GRB14: variants seen among roughly 807,000 people sequenced by gnomAD.
The protein encoded by GRB14 is growth factor receptor-bound protein 14.
GRB14 carries 38 observed loss-of-function variants against 69.1 expected under a neutral mutation model. The observed-to-expected ratio is 0.55, with a 90% CI of 0.42 to 0.72. GRB14 has a LOEUF of 0.72. Among genes scored for constraint, GRB14 ranks in the 30% least tolerant of loss-of-function variants. GRB14 has a pLI of 0.00. For missense variants in GRB14, 666 were observed against 666.1 expected (o/e 1.00, Z 0.00); for synonymous variants, 247 against 241.3 (o/e 1.02, Z -0.22).
intron 13 of GRB14, among the ~76,000 whole-genome samples, chr2:164,493,741 A>G (rs914960072): frequency 5.3e-4 from 80 of 152,320 alleles, no homozygotes; most frequent in African/African-American, 1.7e-3. Flanking sequence ...GATATTTTAT[A>G]TAGCCTTTGG....
In GRB14 at chr2:164,584,585, TA is replaced by T. The variant is rs1197037457; in HGVS notation, c.324+35101del. Among the ~76,000 whole-genome samples the T allele has an allele frequency of 8.8e-3, 1,278 of 145,258 alleles. 11 individuals are homozygous for T. Among genetic ancestry groups the T allele is most frequent in the East Asian group, 0.01 (51 of 5,006 alleles). On this transcript the variant is annotated intron_variant, in intron 2 of 13. Coordinates refer to ENST00000263915, the MANE Select transcript of GRB14 (RefSeq NM_004490.3). Reference sequence around the variant, plus strand: ...TGGCTAAGAATAAGTCCCTACGATGTAAAAAAAAAAAATACTTTTCAGGAGA... The same window carrying T: ...TGGCTAAGAATAAGTCCCTACGATGTAAAAAAAAAAATACTTTTCAGGAGA...
At chr2:164,533,326 G>A (rs1688000001) in intron 3 of GRB14, among the ~76,000 whole-genome samples, 1 of 140,526 alleles carries the variant, frequency 7.1e-6, no homozygotes, top group African/African-American at 2.6e-5. Context: ...TCCGCCTCCC[G>A]GGTTCACGCC....
At chr2:164,539,069 T>C (rs1000258993) in intron 3 of GRB14, among the ~76,000 whole-genome samples, 4 of 152,164 alleles carry the variant, frequency 2.6e-5, no homozygotes, top group African/African-American at 9.7e-5. Flanking sequence ...AAAATGCAGA[T>C]TACAGAATCT....
At chr2:164,557,886 G>C (rs1688720010) in intron 2 of GRB14, among the ~76,000 whole-genome samples, 1 of 152,106 alleles carries the variant, frequency 6.6e-6, no homozygotes, top group African/African-American at 2.4e-5. Flanking sequence ...GCTTCCAGGA[G>C]TCCTGGATAT....
At chr2:164,613,946 T>C (rs1690224628) in intron 2 of GRB14, among the ~76,000 whole-genome samples, 2 of 152,172 alleles carry the variant, frequency 1.3e-5, no homozygotes, top group Admixed American at 1.3e-4. Context: ...TTTGTATACA[T>C]ATCAAAGAGA....
rs1195137268 is a variant in GRB14, at chr2:164,499,642, C to T, written c.1105-2152G>A. Among the ~76,000 whole-genome samples the T allele has an allele frequency of 2.0e-5, 3 of 152,042 alleles. No individual in the cohort carries two copies. In the East Asian group the frequency reaches 5.8e-4, roughly 29 times the overall value. The stretch of plus-strand genomic sequence containing the variant: ...GGGGTCCATGATTTTAATGGCATGA[C>T]TTTCTTTCTTTTTAAGAAAAAAAAT... On this transcript the variant is annotated intron_variant, in intron 9 of 13. Transcript: ENST00000263915.
intron 2 of GRB14, among the ~76,000 whole-genome samples, chr2:164,566,901 C>G (rs1304258202): frequency 6.6e-6 from 1 of 152,060 alleles, no homozygotes; most frequent in African/African-American, 2.4e-5. Context: ...CCCAAAGTCA[C>G]AGGGCTAGTA....
intron 2 of GRB14, among the ~76,000 whole-genome samples, chr2:164,573,329 T>C (rs1463490664): frequency 2.6e-5 from 4 of 152,220 alleles, no homozygotes; most frequent in Non-Finnish European, 4.4e-5. Flanking sequence ...GGTTACATAG[T>C]GGACAAGCCT....
intron 3 of GRB14, among the ~76,000 whole-genome samples, chr2:164,530,127 G>A: frequency 6.6e-6 from 1 of 152,152 alleles, no homozygotes; most frequent in East Asian, 1.9e-4. Flanking sequence ...TAGGAAAGGG[G>A]TTTATTTGGC....
At position 164,605,934 on chromosome 2, in the gene GRB14, G is replaced by A. The variant is rs146425550; in HGVS notation, c.324+13753C>T. 3.9e-4 allele frequency among the ~76,000 whole-genome samples: 60 copies of A among 152,234 alleles called. No homozygotes were observed. In the East Asian group the frequency reaches 9.4e-3, roughly 24 times the overall value. On this transcript the variant is annotated intron_variant, in intron 2 of 13. Transcript: ENST00000263915. ...AAAACTACACTAGCACTTCTCAAAT[G>A]TTTCCACCAGAGATACCCAACATGC... is the stretch of plus-strand genomic sequence containing the variant.
At chr2:164,553,613 C>T (rs761948019) in intron 2 of GRB14, among the ~76,000 whole-genome samples, 3 of 152,126 alleles carry the variant, frequency 2.0e-5, no homozygotes, top group Non-Finnish European at 4.4e-5. Context: ...ATTCCTTATA[C>T]GATGAATGGG....
chr2:164,614,408 A>T (rs1192382165), intron 2 of GRB14, among the ~76,000 whole-genome samples: 3 of 152,192 alleles, frequency 2.0e-5, no homozygotes, highest in Non-Finnish European at 2.9e-5. Context: ...TTTGAAAGCT[A>T]AGCAGTTTGT....
intron 2 of GRB14, among the ~76,000 whole-genome samples, chr2:164,603,257 A>C (rs1291171898): frequency 1.3e-5 from 2 of 152,180 alleles, no homozygotes; most frequent in East Asian, 3.8e-4. Flanking sequence ...AAAGATGATT[A>C]ATAAGTGGTG....
In GRB14 at chr2:164,621,266, G is replaced by A. The variant is rs1690455675; in HGVS notation, c.44C>T (p.Ala15Val). 1 of 1,282,278 alleles carries A rather than the reference G, an allele frequency of 7.8e-7. No individual in the cohort carries two copies. The highest frequency in any genetic ancestry group is 9.9e-7 in the Non-Finnish European group (1 of 1,014,072). The allele number at this position is 1,282,278 out of a possible 1,614,324, so 79.4% of individuals were successfully genotyped here. ...GGCCAGCGGCGAATCCCGGGCAGCC[G>A]CCCTGCTCGCGGCGCTCTGCCCATC... ...LQDGQSAASR[A>V]AARDSPLAAQ... Residue 15 changes from alanine to valine, a missense_variant, in exon 1 of 14, where the codon GCG becomes GTG. Physicochemically the swap from Ala to Val is moderately conservative, Grantham distance 64. Coordinates refer to ENST00000263915, the MANE Select transcript of GRB14 (RefSeq NM_004490.3). The surrounding 1 kb of genome is among the most constrained non-coding windows in gnomAD (Gnocchi z 6.0).
At chr2:164,508,046 C>T (rs762753125) in intron 8 of GRB14, among the ~76,000 whole-genome samples, 1 of 152,084 alleles carries the variant, frequency 6.6e-6, no homozygotes, top group Non-Finnish European at 1.5e-5. Flanking sequence ...TTATAAAACA[C>T]GAATCGAACA....
chr2:164,534,541 G>A (rs113831997), intron 3 of GRB14, among the ~76,000 whole-genome samples: 2,971 of 152,222 alleles, frequency 0.02, 75 homozygotes, highest in African/African-American at 0.068. Flanking sequence ...AAAAGGAGGT[G>A]AAATGTTGCT....
chr2:164,527,631 A>T (rs1687816645), intron 3 of GRB14, among the ~76,000 whole-genome samples: 2 of 152,040 alleles, frequency 1.3e-5, no homozygotes. Context: ...ATAGCTGAGA[A>T]GAATTAAAAT....
intron 9 of GRB14, among the ~76,000 whole-genome samples, chr2:164,501,836 C>A (rs568082159): frequency 6.1e-4 from 93 of 151,926 alleles, no homozygotes; most frequent in African/African-American, 2.2e-3. Context: ...TTGTGACAAT[C>A]CCAGAATCGG....
rs184012343 is a variant in GRB14, at chr2:164,545,487, C to T, written c.481+2173G>A. On this transcript the variant is annotated intron_variant, in intron 3 of 13. Coordinates refer to ENST00000263915, the MANE Select transcript of GRB14 (RefSeq NM_004490.3). ...CAGTGGCAGAGATTAGGTGATGCAG[C>T]CACAAGCCAACAAATGCTGGCAGCC... is the stretch of plus-strand genomic sequence containing the variant. Among the ~76,000 whole-genome samples, 237 of 152,142 alleles carry T rather than the reference C, an allele frequency of 1.6e-3. 1 individual carries two copies. The highest frequency in any genetic ancestry group is 3.8e-4 in the Non-Finnish European group (26 of 67,986).
Sources: allele counts gnomAD v4.1 joint callset (sites outside exome capture counted in the v4.1 genomes callset), GRCh38; gene constraint gnomAD v4.1.1; non-coding constraint Gnocchi (gnomAD v3.1); transcripts MANE v1.5; gene names NCBI Gene and HGNC (gene_info 2026-07-23, HGNC 2026-07-21).